The following NLRP7 variants were observed in gnomAD, a reference collection of about 807,000 sequenced individuals.
NLRP7 encodes NACHT, LRR and PYD domains-containing protein 7.
In NLRP7, 72 loss-of-function variants were observed where a neutral mutation model predicts 85.5. The ratio of observed to expected loss-of-function variants is 0.84; its 90% CI spans 0.70 to 1.02. The LOEUF is 1.02. NLRP7 is among the 50% of genes least tolerant of loss of function. The pLI is 0.00. For synonymous variants in NLRP7, 550 were observed against 505.2 expected (o/e 1.09, Z -1.19); for missense variants, 1,243 against 1,219.5 (o/e 1.02, Z -0.29).
intron 8 of NLRP7, among the ~76,000 whole-genome samples, chr19:54,933,006 T>A (rs1163630216): frequency 6.6e-6 from 1 of 152,122 alleles, no homozygotes; most frequent in African/African-American, 2.4e-5. Context: ...CAGTACTATG[T>A]CATAGGAATT....
intron 1 of NLRP7, among the ~76,000 whole-genome samples, chr19:54,963,221 C>A (rs2070121528): frequency 6.6e-6 from 1 of 151,834 alleles, no homozygotes; most frequent in Non-Finnish European, 1.5e-5. Context: ...CATAGTGAGA[C>A]CTCCATCTCT....
chr19:54,963,887 CTT>C (rs201876734), intron 1 of NLRP7, among the ~76,000 whole-genome samples: 2 of 142,844 alleles, frequency 1.4e-5, no homozygotes, highest in Non-Finnish European at 3.1e-5. Context: ...CAACTTTTTT[CTT>C]TTTTTTTTTG....
upstream of NLRP7, chr19:54,947,522 T>TA: frequency 7.8e-7 from 1 of 1,289,550 alleles, no homozygotes. Flanking sequence ...AGGAAACGGA[T>TA]AAAAAGGGGA....
chr19:54,943,606 G>T (rs543853414), intron 1 of NLRP7, among the ~76,000 whole-genome samples: 3 of 151,672 alleles, frequency 2.0e-5, no homozygotes, highest in South Asian at 2.1e-4. Context: ...GTCTGGGTTG[G>T]GGGGGCGGGG....
intron 9 of NLRP7, among the ~76,000 whole-genome samples, chr19:54,930,124 A>C (rs992346886): frequency 6.6e-6 from 1 of 150,842 alleles, no homozygotes; most frequent in Non-Finnish European, 1.5e-5. Context: ...TCAAAAAAAA[A>C]AAAAAAAAAA....
At position 54,934,619 on chromosome 19, in the gene NLRP7, A is replaced by C. The variant is rs766955200; in HGVS notation, c.2341T>G (p.Phe781Val). 2.5e-6 allele frequency: 4 copies of C among 1,613,958 alleles called. No individual in the cohort carries two copies. Among genetic ancestry groups the C allele is most frequent in the African/African-American group, 1.3e-5 (1 of 74,932 alleles). The change falls in exon 7 of 10, where the codon TTC (phenylalanine) becomes GTC (valine). Residue 781 changes from phenylalanine (F) to valine (V), a missense_variant. Around this residue, in one of 3 missense-constraint regions of NLRP7, gnomAD observed 613 missense variants for 588.4 expected, o/e 1.04. Transcript: ENST00000340844. The surrounding 1 kb of genome is among the most constrained non-coding windows in gnomAD (Gnocchi z 6.7). Reference sequence around the variant, plus strand: ...TGGTTGGCTTTGAGGACATAGAAGAATTCAGCCCACTGCTCCGGGGTGGCA... The same window carrying C: ...TGGTTGGCTTTGAGGACATAGAAGACTTCAGCCCACTGCTCCGGGGTGGCA...
exon 4 of NLRP7, chr19:54,939,930 A>G (rs201981426): frequency 2.1e-5 from 34 of 1,613,978 alleles, no homozygotes; most frequent in Non-Finnish European, 2.6e-5. Context: ...GTGACCAGCA[A>G]GGCTGCCCTG....
intron 1 of NLRP7, among the ~76,000 whole-genome samples, chr19:54,952,896 G>T (rs1247998905): frequency 6.6e-6 from 1 of 152,004 alleles, no homozygotes; most frequent in Non-Finnish European, 1.5e-5. Flanking sequence ...CCAGCACTTT[G>T]GGAGGCCGAG....
chr19:54,962,262 C>T (rs2070068493), intron 1 of NLRP7, among the ~76,000 whole-genome samples: 1 of 147,920 alleles, frequency 6.8e-6, no homozygotes, highest in African/African-American at 2.5e-5. Context: ...TTCCCTCCAT[C>T]CCTCAATTTT....
At chr19:54,933,045 C>T (rs1201263837) in intron 8 of NLRP7, among the ~76,000 whole-genome samples, 1 of 152,152 alleles carries the variant, frequency 6.6e-6, no homozygotes, top group East Asian at 1.9e-4. Flanking sequence ...GCATCAGATC[C>T]GAGAACCAAC....
Position 54,938,868 on chromosome 19 carries a change from G to A in NLRP7, c.1931+20C>T. 3.1e-6 allele frequency: 5 copies of A among 1,613,060 alleles called. No homozygotes were observed. The highest frequency in any genetic ancestry group is 4.2e-6 in the Non-Finnish European group (5 of 1,179,730). On this transcript the variant is annotated intron_variant, in intron 4 of 9. Coordinates refer to ENST00000340844, the Ensembl canonical transcript of NLRP7. ...CTGGCCTCTTCCTAGTGGAGCGTGG[G>A]ATGGGAAAACAGTTCTTACCTTTCA... is the stretch of plus-strand genomic sequence containing the variant.
chr19:54,933,214 C>T (rs187541563), intron 8 of NLRP7, among the ~76,000 whole-genome samples: 39 of 152,122 alleles, frequency 2.6e-4, no homozygotes, highest in Admixed American at 2.3e-3. Flanking sequence ...GGTGCGATCT[C>T]GGCTCACTGC....
chr19:54,938,948 A>G, exon 4 of NLRP7: 1 of 1,614,056 alleles, frequency 6.2e-7, no homozygotes. Flanking sequence ...CCCCTTTGCT[A>G]CCTGCAGTGA....
chr19:54,944,993 A>G (rs1232361350), intron 1 of NLRP7, among the ~76,000 whole-genome samples: 1 of 151,866 alleles, frequency 6.6e-6, no homozygotes, highest in Non-Finnish European at 1.5e-5. Flanking sequence ...TAATCCCAGC[A>G]CTATGGGAGG....
At chr19:54,936,210 A>G in intron 6 of NLRP7, 51 bp downstream of exon 6, 1 of 1,528,934 alleles carries the variant, frequency 6.5e-7, no homozygotes, top group South Asian at 1.1e-5. Flanking sequence ...CCCCAGCAAC[A>G]CGGTGCAGTG....
At position 54,935,842 on chromosome 19, in the gene NLRP7, C is replaced by G. The variant is rs139530387; in HGVS notation, c.2300+419G>C. On this transcript the variant is annotated intron_variant, in intron 6 of 9. Coordinates refer to ENST00000340844, the Ensembl canonical transcript of NLRP7. ...ATCATGCACTCCATAGGATCAGGCACCAACGATTAGCTCCTGTGCCTGATC... is the reference window on the plus strand; with the variant it reads ...ATCATGCACTCCATAGGATCAGGCAGCAACGATTAGCTCCTGTGCCTGATC... 8.2e-3 allele frequency among the ~76,000 whole-genome samples: 1,243 copies of G among 152,212 alleles called. 15 individuals carry two copies. The highest frequency in any genetic ancestry group is 0.028 in the African/African-American group (1,178 of 41,532).
chr19:54,939,048 A>G lies in NLRP7; in HGVS notation c.1771T>C (p.Phe591Leu), dbSNP rs749052030. ...GTCAGGTGAATAGAAATTTCCTTGA[A>G]CGGGGCCACCACCACCTTCGCCAGC... Residue 591 changes from phenylalanine to leucine, a missense_variant, in exon 4 of 10, where the codon TTC becomes CTC. Transcript: ENST00000340844. The G allele has an allele frequency of 2.5e-6, 4 of 1,614,190 alleles. No individual in the cohort carries two copies. In the African/African-American group the frequency reaches 4.0e-5, roughly 16 times the overall value.
chr19:54,936,552 T>C (rs1315622001), intron 5 of NLRP7, 121 bp from the exon 6 acceptor site: 1 of 877,114 alleles, frequency 1.1e-6, no homozygotes, highest in Non-Finnish European at 1.9e-6. Flanking sequence ...CCGGGTGCAG[T>C]GGCTCGTGTC....
At chr19:54,942,305 T>C (rs1244079834) in intron 1 of NLRP7, among the ~76,000 whole-genome samples, 1 of 146,554 alleles carries the variant, frequency 6.8e-6, no homozygotes, top group East Asian at 2.0e-4. Context: ...GAAGGGTCAG[T>C]GGTATGCTAG....
Sources: allele counts gnomAD v4.1 joint callset (sites outside exome capture counted in the v4.1 genomes callset), GRCh38; gene constraint gnomAD v4.1.1; regional missense constraint gnomAD v4.1.1; non-coding constraint Gnocchi (gnomAD v3.1); transcripts MANE v1.5; gene names NCBI Gene and HGNC (gene_info 2026-07-23, HGNC 2026-07-21).